The following SOX5 variants were observed in gnomAD, a reference collection of about 807,000 sequenced individuals.
SOX5 encodes SRY-box transcription factor 5.
A neutral mutation model predicts 92.0 loss-of-function variants in SOX5; 9 were observed. The ratio of observed to expected loss-of-function variants is 0.10; its 90% CI spans 0.06 to 0.17. SOX5 has a LOEUF of 0.17. Among genes scored for constraint, SOX5 ranks in the 10% least tolerant of loss-of-function variants. The pLI is 1.00. For missense variants in SOX5, 642 were observed against 944.5 expected (o/e 0.68, Z 4.20); for synonymous variants, 344 against 336.3 (o/e 1.02, Z -0.25).
At position 23,563,426 on chromosome 12, in the gene SOX5, G is replaced by C. The variant is rs1295207971; in HGVS notation, c.1343-23C>G. On this transcript the variant is annotated intron_variant, in intron 10 of 14. Transcript: ENST00000451604. The stretch of plus-strand genomic sequence containing the variant: ...AACCTGAACATGAGACAGATCAAAG[G>C]ATATCTTTTGTATAAAAGCATGTCT... The C allele has an allele frequency of 2.5e-6, 4 of 1,608,296 alleles. No homozygotes were observed. In the Admixed American group the frequency reaches 6.7e-5, roughly 27 times the overall value.
intron 9 of SOX5, among the ~76,000 whole-genome samples, chr12:23,597,930 T>C (rs1295155062): frequency 6.6e-6 from 1 of 152,212 alleles, no homozygotes; most frequent in African/African-American, 2.4e-5. Flanking sequence ...AATACCCCTT[T>C]CTGTCCTGAA....
At chr12:24,424,215 G>A (rs940760028) in intron 1 of SOX5, among the ~76,000 whole-genome samples, 12 of 152,126 alleles carry the variant, frequency 7.9e-5, no homozygotes, top group African/African-American at 2.7e-4. Flanking sequence ...ATAAAGGACT[G>A]CCTGAAGGAT....
intron 3 of SOX5, among the ~76,000 whole-genome samples, chr12:23,818,056 A>T (rs574470736): frequency 3.3e-5 from 5 of 152,224 alleles, no homozygotes. Flanking sequence ...TAAAACACGA[A>T]TCATAAGGTA....
At chr12:24,290,644 C>G (rs962356001) in intron 2 of SOX5, among the ~76,000 whole-genome samples, 1 of 152,188 alleles carries the variant, frequency 6.6e-6, no homozygotes, top group Admixed American at 6.5e-5. Context: ...CACCACCCCC[C>G]TCTCCCAGCC....
chr12:23,923,293 A>AAATGAATGAATGAATGAATGAATGAATG (rs142332141), intron 1 of SOX5, among the ~76,000 whole-genome samples: 2 of 149,026 alleles, frequency 1.3e-5, no homozygotes, highest in Non-Finnish European at 3.0e-5. Context: ...ACCCAAAAAT[A>AAATGAATGAATGAATGAATGAATGAATG]AATGAATGAA....
intron 11 of SOX5, among the ~76,000 whole-genome samples, chr12:23,560,362 A>G (rs1945993955): frequency 6.6e-6 from 1 of 152,212 alleles, no homozygotes; most frequent in Admixed American, 6.5e-5. Context: ...ACTAATCCAC[A>G]TATTTATTGG....
intron 3 of SOX5, among the ~76,000 whole-genome samples, chr12:23,789,922 C>A (rs1447003513): frequency 1.3e-5 from 2 of 152,078 alleles, no homozygotes; most frequent in East Asian, 3.9e-4. Context: ...ATGTAACACT[C>A]CAGCTTTTTC....
At chr12:23,688,510 A>G (rs1335222246) in intron 6 of SOX5, among the ~76,000 whole-genome samples, 1 of 152,064 alleles carries the variant, frequency 6.6e-6, no homozygotes, top group Admixed American at 6.6e-5. Flanking sequence ...TAATGGCAAA[A>G]TAGGAATGGT....
chr12:23,951,070 G>T (rs1236861984), upstream of SOX5: 1 of 489,714 alleles, frequency 2.0e-6, no homozygotes. Context: ...ACATTACAGA[G>T]CCCGCCCCAA....
At chr12:24,425,231 T>C (rs1255295025) in intron 1 of SOX5, among the ~76,000 whole-genome samples, 1 of 152,210 alleles carries the variant, frequency 6.6e-6, no homozygotes, top group East Asian at 1.9e-4. Flanking sequence ...ATGTTATCTC[T>C]CTATACTTTA....
intron 2 of SOX5, among the ~76,000 whole-genome samples, chr12:24,298,128 A>G (rs1274021811): frequency 2.6e-5 from 4 of 152,182 alleles, no homozygotes; most frequent in African/African-American, 9.7e-5. Context: ...GCTGGAGTGC[A>G]GTGGCATAGT....
At chr12:24,034,275 G>A (rs1057153284) in intron 4 of SOX5, among the ~76,000 whole-genome samples, 6 of 151,824 alleles carry the variant, frequency 4.0e-5, no homozygotes, top group Admixed American at 2.0e-4. Context: ...CAATACACTT[G>A]GAAACAAAAG....
At chr12:24,161,171 C>T (rs968866268) in intron 4 of SOX5, among the ~76,000 whole-genome samples, 2 of 152,134 alleles carry the variant, frequency 1.3e-5, no homozygotes, top group African/African-American at 4.8e-5. Context: ...TTCTACACTT[C>T]CAAAGGGCCT....
intron 10 of SOX5, among the ~76,000 whole-genome samples, chr12:23,572,380 A>C (rs567816138): frequency 6.6e-6 from 1 of 152,280 alleles, no homozygotes; most frequent in African/African-American, 2.4e-5. Flanking sequence ...ATTTGTTGAA[A>C]AGAGAAAAGT....
At chr12:24,462,144 G>T (rs544087598) in intron 1 of SOX5, among the ~76,000 whole-genome samples, 2 of 152,138 alleles carry the variant, frequency 1.3e-5, no homozygotes. Context: ...CACAAACCTA[G>T]ATGATATAGT....
chr12:24,222,335 A>T (rs372912007), intron 3 of SOX5, among the ~76,000 whole-genome samples: 1 of 152,066 alleles, frequency 6.6e-6, no homozygotes, highest in Admixed American at 6.6e-5. Flanking sequence ...ATTCCAGGCA[A>T]TGGTTTATTT....
intron 5 of SOX5, among the ~76,000 whole-genome samples, chr12:23,736,196 T>A (rs1354491647): frequency 1.3e-5 from 2 of 151,364 alleles, no homozygotes; most frequent in Non-Finnish European, 2.9e-5. Flanking sequence ...GTGTGGTGGC[T>A]CACGCCTGTA....
intron 7 of SOX5, among the ~76,000 whole-genome samples, chr12:23,653,660 A>G (rs975047964): frequency 1.3e-5 from 2 of 152,084 alleles, no homozygotes; most frequent in Non-Finnish European, 2.9e-5. Context: ...TTTTTGATGA[A>G]TAAATGGTGC....
At chr12:23,889,857 T>C (rs1457805508) in intron 2 of SOX5, among the ~76,000 whole-genome samples, 2 of 152,170 alleles carry the variant, frequency 1.3e-5, no homozygotes, top group African/African-American at 4.8e-5. Flanking sequence ...TATTCAGATT[T>C]CTTTAACAAT....
Sources: allele counts gnomAD v4.1 joint callset (sites outside exome capture counted in the v4.1 genomes callset), GRCh38; gene constraint gnomAD v4.1.1; transcripts MANE v1.5; gene names NCBI Gene and HGNC (gene_info 2026-07-23, HGNC 2026-07-21).